Variants in PTPRN2 observed in about 807,000 individuals in gnomAD.
The protein encoded by PTPRN2 is protein tyrosine phosphatase receptor type N2.
PTPRN2 carries 74 observed loss-of-function variants against 118.8 expected under a neutral mutation model. The observed-to-expected ratio is 0.62, with a 90% CI of 0.52 to 0.76. PTPRN2 has a LOEUF of 0.76. PTPRN2 is among the 30% of genes least tolerant of loss of function. PTPRN2 has a pLI of 0.00. For missense variants in PTPRN2, 1,481 were observed against 1,394.4 expected (o/e 1.06, Z -0.99); for synonymous variants, 641 against 608.0 (o/e 1.05, Z -0.80).
intron 2 of PTPRN2, among the ~76,000 whole-genome samples, chr7:158,319,572 C>T (rs983297920): frequency 1.5e-5 from 2 of 136,158 alleles, no homozygotes; most frequent in Non-Finnish European, 3.2e-5. Context: ...CCCTCACACA[C>T]GCACACAGCC....
At position 158,467,680 on chromosome 7, in the gene PTPRN2, G is replaced by A. The variant is rs1372277081; in HGVS notation, c.163+22055C>T. Reference sequence around the variant, plus strand: ...TTGAGTGTGGATGTCCAGTTTCCCCGAAACCATTTAAAGAGACGGCTCTTA... The same window carrying A: ...TTGAGTGTGGATGTCCAGTTTCCCCAAAACCATTTAAAGAGACGGCTCTTA... On this transcript the variant is annotated intron_variant, in intron 2 of 22. Coordinates refer to ENST00000389418, the MANE Select transcript of PTPRN2 (RefSeq NM_002847.5). Among the ~76,000 whole-genome samples the A allele has an allele frequency of 2.0e-5, 3 of 152,116 alleles. No homozygotes were observed. In the East Asian group the frequency reaches 5.8e-4, roughly 29 times the overall value.
chr7:158,115,770 G>T (rs543463173), intron 9 of PTPRN2, among the ~76,000 whole-genome samples: 10 of 152,176 alleles, frequency 6.6e-5, no homozygotes, highest in Non-Finnish European at 1.2e-4. Flanking sequence ...ATAGCACTGC[G>T]AGTGGACTCA....
At chr7:158,188,184 C>CCTGTA (rs1331752050) in intron 5 of PTPRN2, among the ~76,000 whole-genome samples, 4 of 117,830 alleles carry the variant, frequency 3.4e-5, no homozygotes, top group Non-Finnish European at 3.8e-5. Context: ...ACGCTCGCCC[C>CCTGTA]GCGATGGGGA....
At chr7:157,695,301 A>T (rs1038222277) in intron 12 of PTPRN2, among the ~76,000 whole-genome samples, 1 of 152,140 alleles carries the variant, frequency 6.6e-6, no homozygotes, top group African/African-American at 2.4e-5. Context: ...TAATATGGTA[A>T]GGTAGAAAAT....
intron 5 of PTPRN2, among the ~76,000 whole-genome samples, chr7:158,188,302 C>T (rs1426593602): frequency 2.0e-5 from 2 of 101,756 alleles, no homozygotes; most frequent in African/African-American, 8.6e-5. Flanking sequence ...CGCTCGCCCC[C>T]TGTATGGGGA....
chr7:158,216,543 C>T (rs1827972336), intron 3 of PTPRN2, among the ~76,000 whole-genome samples: 2 of 151,246 alleles, frequency 1.3e-5, no homozygotes, highest in African/African-American at 4.9e-5. Flanking sequence ...AAGTATTAAT[C>T]AAAGGATGGA....
chr7:157,887,216 T>C (rs1229425199), intron 12 of PTPRN2, among the ~76,000 whole-genome samples: 2 of 152,120 alleles, frequency 1.3e-5, no homozygotes, highest in East Asian at 1.9e-4. Context: ...TGGGCTGGGC[T>C]GATGCAAATA....
chr7:158,330,136 A>T (rs1804079036), intron 2 of PTPRN2, among the ~76,000 whole-genome samples: 1 of 133,988 alleles, frequency 7.5e-6, no homozygotes, highest in Admixed American at 7.8e-5. Flanking sequence ...ACACCCGCAG[A>T]CGTCACTCAC....
chr7:157,772,360 CACACAG>C (rs1270255693), intron 12 of PTPRN2, among the ~76,000 whole-genome samples: 2 of 152,044 alleles, frequency 1.3e-5, no homozygotes, highest in African/African-American at 2.4e-5. Flanking sequence ...CACACACATA[CACACAG>C]ACACAGACAC....
intron 9 of PTPRN2, among the ~76,000 whole-genome samples, chr7:158,114,515 C>T (rs1393657011): frequency 1.3e-5 from 2 of 152,220 alleles, no homozygotes; most frequent in Non-Finnish European, 2.9e-5. Context: ...CGCGGGAATG[C>T]TCTACTCTTC....
At chr7:158,187,468 A>C (rs1825266724) in intron 5 of PTPRN2, among the ~76,000 whole-genome samples, 1 of 152,194 alleles carries the variant, frequency 6.6e-6, no homozygotes, top group South Asian at 2.1e-4. Flanking sequence ...CAGATCTCTA[A>C]GTCCCTATAT....
chr7:157,636,235 T>C (rs1804310741), intron 14 of PTPRN2, among the ~76,000 whole-genome samples: 1 of 152,230 alleles, frequency 6.6e-6, no homozygotes, highest in African/African-American at 2.4e-5. Context: ...ATAAGTCAGC[T>C]TTGATACATC....
At chr7:158,445,509 G>A (rs553246989) in intron 2 of PTPRN2, among the ~76,000 whole-genome samples, 23 of 152,294 alleles carry the variant, frequency 1.5e-4, no homozygotes, top group African/African-American at 4.8e-4. Context: ...GTGACCCCGC[G>A]GCCTCTCGGG....
chr7:158,369,895 C>T (rs1329486294), intron 2 of PTPRN2, among the ~76,000 whole-genome samples: 2 of 152,172 alleles, frequency 1.3e-5, no homozygotes, highest in African/African-American at 2.4e-5. Flanking sequence ...CAGAAGTCCC[C>T]GACCTGACTG....
chr7:157,896,938 C>T (rs1345575228), intron 12 of PTPRN2, among the ~76,000 whole-genome samples: 1 of 152,152 alleles, frequency 6.6e-6, no homozygotes, highest in Non-Finnish European at 1.5e-5. Flanking sequence ...GTCCCCCACC[C>T]TTGCCCCTCC....
At chr7:157,947,657 G>A (rs376332674) in intron 11 of PTPRN2, among the ~76,000 whole-genome samples, 4 of 152,154 alleles carry the variant, frequency 2.6e-5, no homozygotes, top group South Asian at 4.1e-4. Context: ...GAGTTATACT[G>A]ACCAATACTA....
rs1802236203 is a variant in PTPRN2 at position 157,763,014 on chromosome 7, C to G, written c.1789-80077G>C. ...CACAGGGCTAACCCTCCATCAGAGCCCACAGCCGCCCACTCACAGTCGGTC... is the reference window on the plus strand; with the variant it reads ...CACAGGGCTAACCCTCCATCAGAGCGCACAGCCGCCCACTCACAGTCGGTC... On this transcript the variant is annotated intron_variant, in intron 12 of 22. Transcript: ENST00000389418. The surrounding 1 kb of genome is among the most constrained non-coding windows in gnomAD (Gnocchi z 4.9). Among the ~76,000 whole-genome samples, 1 of 152,158 alleles carries G rather than the reference C, an allele frequency of 6.6e-6. No homozygotes were observed. Among genetic ancestry groups the G allele is most frequent in the African/African-American group, 2.4e-5 (1 of 41,446 alleles).
At chr7:158,301,199 C>T (rs556329550) in intron 3 of PTPRN2, among the ~76,000 whole-genome samples, 2 of 152,280 alleles carry the variant, frequency 1.3e-5, no homozygotes, top group East Asian at 3.9e-4. Context: ...GATTTCTGAA[C>T]TAAGGACCTG....
At chr7:158,224,631 G>GA (rs899309758) in intron 3 of PTPRN2, among the ~76,000 whole-genome samples, 1 of 151,954 alleles carries the variant, frequency 6.6e-6, no homozygotes, top group South Asian at 2.1e-4. Flanking sequence ...AAAACTTTTA[G>GA]AAAAAAACAA....
Sources: allele counts gnomAD v4.1 joint callset (sites outside exome capture counted in the v4.1 genomes callset), GRCh38; gene constraint gnomAD v4.1.1; non-coding constraint Gnocchi (gnomAD v3.1); transcripts MANE v1.5; gene names NCBI Gene and HGNC (gene_info 2026-07-23, HGNC 2026-07-21).